Variants in TRIM28 observed in about 807,000 individuals in gnomAD.
TRIM28 encodes transcription intermediary factor 1-beta.
TRIM28 carries 8 observed loss-of-function variants against 87.4 expected under a neutral mutation model. The ratio of observed to expected loss-of-function variants is 0.09; its 90% CI spans 0.05 to 0.17. The LOEUF (loss-of-function observed/expected upper bound fraction) is 0.17. Among genes scored for constraint, TRIM28 ranks in the 10% least tolerant of loss-of-function variants. The pLI is 1.00. For missense variants in TRIM28, 968 were observed against 1,131.8 expected, an observed-to-expected ratio of 0.86 and a Z score of 2.08; for synonymous variants, 601 against 454.3, an observed-to-expected ratio of 1.32 and a Z score of -4.11.
At chr19:58,548,677 C>T (rs1157250856) in intron 9 of TRIM28, 63 bp from the exon 10 acceptor site, 6 of 1,556,144 alleles carry the variant, frequency 3.9e-6, no homozygotes, top group East Asian at 4.6e-5. Context: ...GGGGGGTGGG[C>T]AGGGAATGGG....
chr19:58,548,662 G>A, intron 9 of TRIM28, 70 bp downstream of exon 9: 1 of 1,603,816 alleles, frequency 6.2e-7, no homozygotes, highest in Non-Finnish European at 8.5e-7. Flanking sequence ...AGAGGACCCA[G>A]GCAGGGGGGG....
Position 58,548,928 on chromosome 19 carries a change from C to G in TRIM28, c.1409+18C>G, listed in dbSNP as rs771411114. On this transcript the variant is annotated intron_variant, in intron 11 of 16. Coordinates refer to ENST00000253024, the MANE Select transcript of TRIM28 (RefSeq NM_005762.3). ...GTGAAACGGTAAGTATGGCACCTCC[C>G]CTGGGGGTGAGGTGGATGGAGGGTG... 1.2e-6 allele frequency: 2 copies of G among 1,614,076 alleles called. No individual in the cohort carries two copies. The highest frequency in any genetic ancestry group is 1.7e-6 in the Non-Finnish European group (2 of 1,179,998).
Position 58,549,816 on chromosome 19 carries a change from G to C in TRIM28, c.2062G>C (p.Asp688His). ...EDGSLSLDGA[D>H]STGVVAKLSP... ...TGGCAGCCTCAGCCTGGATGGTGCA[G>C]ACAGCACTGGCGTGGTGGCCAAGCT... The change falls in exon 14 of 17, where the codon GAC (aspartate) becomes CAC (histidine). Residue 688 changes from aspartate to histidine, a missense_variant. Coordinates refer to ENST00000253024, the MANE Select transcript of TRIM28 (RefSeq NM_005762.3). The surrounding 1 kb of genome is among the most constrained non-coding windows in gnomAD (Gnocchi z 4.4). 6.2e-7 allele frequency: 1 copy of C among 1,613,062 alleles called. No individual in the cohort carries two copies. The highest frequency in any genetic ancestry group is 8.5e-7 in the Non-Finnish European group (1 of 1,179,148).
At chr19:58,547,238 C>T (rs925942363) in intron 3 of TRIM28, 138 bp from the exon 4 acceptor site, 5 of 1,149,510 alleles carry the variant, frequency 4.3e-6, no homozygotes, top group South Asian at 3.2e-5. Context: ...GTGTTCTTCC[C>T]TGGCCACACC....
In TRIM28 at chr19:58,547,593, T is replaced by G. The variant is rs1264427847; in HGVS notation, c.723-4T>G. On this transcript the variant is annotated splice_polypyrimidine_tract_variant and splice_region_variant and intron_variant, in intron 4 of 16. Transcript: ENST00000253024. ...TGCTCAGGAACACATCTGTCTGCTC[T>G]CAGGTACCAGTTCTTAGAGGATGCA... 6.2e-7 allele frequency: 1 copy of G among 1,613,878 alleles called. No homozygotes were observed. The highest frequency in any genetic ancestry group is 8.5e-7 in the Non-Finnish European group (1 of 1,179,984).
At position 58,544,740 on chromosome 19, in the gene TRIM28, G is replaced by C; in HGVS notation, c.-18G>C. Reference sequence around the variant, plus strand: ...CCGCGCCCCTCCTCCCCCCCTGGGCGCCCCCGGCGGCGTGTGAATGGCGGC... The same window carrying C: ...CCGCGCCCCTCCTCCCCCCCTGGGCCCCCCCGGCGGCGTGTGAATGGCGGC... On this transcript the variant is annotated 5_prime_UTR_variant, in exon 1 of 17. Coordinates refer to ENST00000253024, the MANE Select transcript of TRIM28 (RefSeq NM_005762.3). 1 of 1,063,222 alleles carries C rather than the reference G, an allele frequency of 9.4e-7. No homozygotes were observed. Among genetic ancestry groups the C allele is most frequent in the Admixed American group, 5.4e-5 (1 of 18,466 alleles). 65.9% of individuals were successfully genotyped at this position (1,063,222 alleles called of 1,614,324 possible). A position where few individuals can be genotyped will look rare whatever the true frequency, so the allele number is the denominator to read the frequency against.
chr19:58,545,918 T>A (rs759551292), intron 3 of TRIM28, 22 bp downstream of exon 3: 1 of 1,575,310 alleles, frequency 6.3e-7, no homozygotes, highest in Admixed American at 1.7e-5. Flanking sequence ...TGAGGGGGGC[T>A]GTTGGAGTTG....
intron 16 of TRIM28, 34 bp from the exon 17 acceptor site, chr19:58,550,343 A>G (rs1188888814): frequency 4.3e-6 from 7 of 1,612,852 alleles, no homozygotes; most frequent in Non-Finnish European, 5.9e-6. Flanking sequence ...AAGAACTAGG[A>G]CCCATTCATC....
chr19:58,549,667 T>TG lies in TRIM28; in HGVS notation c.1982+22dup. On this transcript the variant is annotated intron_variant, in intron 13 of 16. Coordinates refer to ENST00000253024, the MANE Select transcript of TRIM28 (RefSeq NM_005762.3). This position sits in a 1 kb window ranked among gnomAD's most constrained non-coding sequence, Gnocchi z 4.4. Reference sequence around the variant, plus strand: ...TGTACCAGGGTGAGTGTGAGGCTGGTGGGGGTCAAGTCTGGGTGTTGGGCT... The same window carrying TG: ...TGTACCAGGGTGAGTGTGAGGCTGGTGGGGGGTCAAGTCTGGGTGTTGGGCT... 1 of 1,605,476 alleles carries TG rather than the reference T, an allele frequency of 6.2e-7. No individual in the cohort carries two copies. Among genetic ancestry groups the TG allele is most frequent in the Non-Finnish European group, 8.5e-7 (1 of 1,173,586 alleles).
rs756015281 is a variant in TRIM28, at chr19:58,548,891, C to T, written c.1390C>T (p.His464Tyr). The T allele has an allele frequency of 2.2e-5, 35 of 1,613,960 alleles. No homozygotes were observed. The highest frequency in any genetic ancestry group is 2.8e-5 in the Non-Finnish European group (33 of 1,180,008). The change falls in exon 11 of 17, where the codon CAT becomes TAT. Residue 464 changes from histidine to tyrosine, a missense_variant. Transcript: ENST00000253024. Reference sequence around the variant, plus strand: ...TGATCCCTACTCAAGTGCAGAGCCCCATGTGTCAGGTGTGAAACGGTAAGT... The same window carrying T: ...TGATCCCTACTCAAGTGCAGAGCCCTATGTGTCAGGTGTGAAACGGTAAGT... ...GDDPYSSAEP[H>Y]VSGVKRSRSG... is the part of the protein sequence containing the mutation.
chr19:58,548,399 G>A lies in TRIM28; in HGVS notation c.1207G>A (p.Glu403Lys). The A allele has an allele frequency of 6.2e-7, 1 of 1,614,102 alleles. No individual in the cohort carries two copies. Among genetic ancestry groups the A allele is most frequent in the Non-Finnish European group, 8.5e-7 (1 of 1,179,998 alleles). Residue 403 changes from glutamate (E) to lysine (K), a missense_variant, in exon 8 of 17, where the codon GAG becomes AAG. Glu to Lys is a moderately conservative substitution (Grantham distance 56). Around this residue, in one of 11 missense-constraint regions of TRIM28, gnomAD observed 84 missense variants for 139.9 expected, o/e 0.60. Coordinates refer to ENST00000253024, the MANE Select transcript of TRIM28 (RefSeq NM_005762.3). ...WDLNAWTKSA[E>K]AFGKIVAERP... Reference sequence around the variant, plus strand: ...CCTCAATGCCTGGACCAAGAGTGCCGAGGCCTTTGGTGGGTCCCCAGCTTT... The same window carrying A: ...CCTCAATGCCTGGACCAAGAGTGCCAAGGCCTTTGGTGGGTCCCCAGCTTT...
Position 58,545,853 on chromosome 19 carries a change from C to T in TRIM28, c.543C>T (p.His181=), listed in dbSNP as rs769141606. 3.2e-5 allele frequency: 51 copies of T among 1,610,678 alleles called. No individual in the cohort carries two copies. In the South Asian group the frequency reaches 5.4e-4, roughly 17 times the overall value. ...TGTGTGAGACCTGTGTAGAGGCGCACCAGCGGGTGAAGTACACCAAGGACC... is the reference window on the plus strand; with the variant it reads ...TGTGTGAGACCTGTGTAGAGGCGCATCAGCGGGTGAAGTACACCAAGGACC... ...EPLCETCVEA[H]QRVKYTKDHT... is the part of the protein sequence containing the mutation. The change falls in exon 3 of 17, where the codon CAC becomes CAT. Residue 181 remains histidine (H), a synonymous_variant. Transcript: ENST00000253024.
intron 3 of TRIM28, among the ~76,000 whole-genome samples, chr19:58,546,285 A>G (rs1458874860): frequency 2.6e-5 from 4 of 152,030 alleles, no homozygotes; most frequent in African/African-American, 9.7e-5. Flanking sequence ...TGCTAGGGAA[A>G]GTAGACTGTG....
Position 58,545,022 on chromosome 19 carries a change from A to G in TRIM28, c.265A>G (p.Ser89Gly), listed in dbSNP as rs1330822232. ...RLLPCLHSACSACLGPAAPAA... is the reference protein window; with the variant it reads ...RLLPCLHSACGACLGPAAPAA... The stretch of plus-strand genomic sequence containing the variant: ...GCTGCCCTGTTTGCACTCGGCCTGT[A>G]GTGCCTGCTTAGGGCCCGCGGCCCC... The change falls in exon 1 of 17, where the codon AGT becomes GGT. Residue 89 changes from serine to glycine, a missense_variant. Coordinates refer to ENST00000253024, the MANE Select transcript of TRIM28 (RefSeq NM_005762.3). 1 of 1,493,298 alleles carries G rather than the reference A, an allele frequency of 6.7e-7. No individual in the cohort carries two copies. Among genetic ancestry groups the G allele is most frequent in the African/African-American group, 1.4e-5 (1 of 69,140 alleles). The allele number at this position is 1,493,298 out of a possible 1,614,324, so 92.5% of individuals were successfully genotyped here.
At chr19:58,548,688 G>A in intron 9 of TRIM28, 52 bp from the exon 10 acceptor site, 1 of 1,610,960 alleles carries the variant, frequency 6.2e-7, no homozygotes, top group Non-Finnish European at 8.5e-7. Context: ...AGGGAATGGG[G>A]TCCAGTAGGG....
rs2053792481 is a variant in TRIM28 at position 58,549,342 on chromosome 19, G to A, written c.1674G>A (p.Thr558=). ...AGMAIVKEEE[T]EAAIGAPPTA... ...TCACCACCTTGCAGGAGGAGGAGACGGAGGCTGCCATTGGAGCCCCTCCTA... is the reference window on the plus strand; with the variant it reads ...TCACCACCTTGCAGGAGGAGGAGACAGAGGCTGCCATTGGAGCCCCTCCTA... Residue 558 remains threonine, a synonymous_variant, in exon 13 of 17, where the codon ACG becomes ACA. Transcript: ENST00000253024. The surrounding 1 kb of genome is among the most constrained non-coding windows in gnomAD (Gnocchi z 4.4). 18 of 1,566,004 alleles carry A rather than the reference G, an allele frequency of 1.1e-5. No homozygotes were observed. The highest frequency in any genetic ancestry group is 1.6e-5 in the Non-Finnish European group (18 of 1,153,174).
rs1420763488 is a variant in TRIM28, at chr19:58,547,422, A to G, written c.633A>G (p.Val211=). The part of the protein sequence containing the change: ...RDGERTVYCN[V]HKHEPLVLFC... ...GTGAACGTACTGTCTATTGCAACGT[A>G]CACAAGCATGAACCCCTTGTGCTGT... The change falls in exon 4 of 17, where the codon GTA becomes GTG. Residue 211 remains valine, a synonymous_variant. Coordinates refer to ENST00000253024, the MANE Select transcript of TRIM28 (RefSeq NM_005762.3). 3 of 1,613,992 alleles carry G rather than the reference A, an allele frequency of 1.9e-6. No homozygotes were observed. Among genetic ancestry groups the G allele is most frequent in the Non-Finnish European group, 2.5e-6 (3 of 1,179,986 alleles).
chr19:58,550,028 T>C lies in TRIM28; in HGVS notation c.2186T>C (p.Phe729Ser). 2 of 1,614,016 alleles carry C rather than the reference T, an allele frequency of 1.2e-6. No homozygotes were observed. Among genetic ancestry groups the C allele is most frequent in the South Asian group, 1.1e-5 (1 of 91,066 alleles). Reference protein sequence around the residue: ...PLHQLATDSTFSLDQPGGTLD... With the variant: ...PLHQLATDSTSSLDQPGGTLD... ...CATCAGCTGGCTACCGACTCCACCTTCTCCCTGGTGAGTCCTAGGATGGGA... is the reference window on the plus strand; with the variant it reads ...CATCAGCTGGCTACCGACTCCACCTCCTCCCTGGTGAGTCCTAGGATGGGA... Residue 729 changes from phenylalanine (F) to serine (S), a missense_variant, in exon 15 of 17, where the codon TTC becomes TCC. Phe to Ser is a radical substitution (Grantham distance 155). Around this residue, in one of 11 missense-constraint regions of TRIM28, gnomAD observed 192 missense variants for 225.6 expected, o/e 0.85. Coordinates refer to ENST00000253024, the MANE Select transcript of TRIM28 (RefSeq NM_005762.3).
In TRIM28 at chr19:58,544,922, C is replaced by A; in HGVS notation, c.165C>A (p.Gly55=). 2 of 1,416,656 alleles carry A rather than the reference C, an allele frequency of 1.4e-6. No individual in the cohort carries two copies. Among genetic ancestry groups the A allele is most frequent in the Non-Finnish European group, 9.1e-7 (1 of 1,094,734 alleles). The allele number at this position is 1,416,656 out of a possible 1,614,324, so 87.8% of individuals were successfully genotyped here. A position where few individuals can be genotyped will look rare whatever the true frequency, so the allele number is the denominator to read the frequency against. The change falls in exon 1 of 17, where the codon GGC becomes GGA. Residue 55 remains glycine (G), a synonymous_variant. Coordinates refer to ENST00000253024, the MANE Select transcript of TRIM28 (RefSeq NM_005762.3). ...SAAASSPAGG[G]AEALELLEHC... is the part of the protein sequence containing the mutation. ...CGGCGTCGTCGCCCGCGGGGGGCGGCGCCGAGGCGCTGGAGCTGCTGGAGC... is the reference window on the plus strand; with the variant it reads ...CGGCGTCGTCGCCCGCGGGGGGCGGAGCCGAGGCGCTGGAGCTGCTGGAGC...
Sources: allele counts gnomAD v4.1 joint callset (sites outside exome capture counted in the v4.1 genomes callset), GRCh38; gene constraint gnomAD v4.1.1; regional missense constraint gnomAD v4.1.1; non-coding constraint Gnocchi (gnomAD v3.1); transcripts MANE v1.5; gene names NCBI Gene and HGNC (gene_info 2026-07-23, HGNC 2026-07-21).